Variants in NAA25 observed in about 807,000 individuals in gnomAD.
The protein encoded by NAA25 is N-alpha-acetyltransferase 25, NatB auxiliary subunit.
In NAA25, 30 loss-of-function variants were observed where a neutral mutation model predicts 132.5. That is an observed-to-expected ratio of 0.23 (90% CI 0.17 to 0.31). The LOEUF is 0.31. NAA25 is among the 10% of genes least tolerant of loss of function. NAA25 has a pLI of 1.00. For synonymous variants in NAA25, 359 were observed against 401.9 expected, an observed-to-expected ratio of 0.89 and a Z score of 1.28; for missense variants, 771 against 1,150.4, an observed-to-expected ratio of 0.67 and a Z score of 4.77.
intron 2 of NAA25, among the ~76,000 whole-genome samples, chr12:112,092,700 C>T (rs1268459554): frequency 6.9e-6 from 1 of 145,476 alleles, no homozygotes; most frequent in African/African-American, 2.5e-5. Context: ...TTTTTTGAGA[C>T]GGAGTCTCAC....
intron 10 of NAA25, 51 bp downstream of exon 10, chr12:112,071,836 ATATAGCAC>A: frequency 8.3e-7 from 1 of 1,198,004 alleles, no homozygotes; most frequent in Non-Finnish European, 1.1e-6. Context: ...CAACTAATGA[ATATAGCAC>A]TTGGGTATTA....
At chr12:112,094,851 G>A (rs1442636403) in intron 1 of NAA25, among the ~76,000 whole-genome samples, 6 of 151,938 alleles carry the variant, frequency 3.9e-5, no homozygotes, top group Non-Finnish European at 5.9e-5. Flanking sequence ...CTAGAGATGA[G>A]GTTTCACTAT....
chr12:112,053,609 C>T lies in NAA25; in HGVS notation c.1677G>A (p.Ala559=), dbSNP rs1229342787. 1.9e-6 allele frequency: 3 copies of T among 1,608,526 alleles called. No homozygotes were observed. Among genetic ancestry groups the T allele is most frequent in the Admixed American group, 1.7e-5 (1 of 59,416 alleles). Residue 559 remains alanine, a synonymous_variant, in exon 15 of 24, where the codon GCG becomes GCA. Transcript: ENST00000261745. ...TGAGTGCGAAGTTACAGGATTGGGA[C>T]GCAGCAGCATACTGACCTAGAGATT... ...YAESLGQYAA[A]SQSCNFALRF...
intron 11 of NAA25, among the ~76,000 whole-genome samples, chr12:112,061,907 T>C (rs1383473558): frequency 6.6e-6 from 1 of 152,194 alleles, no homozygotes; most frequent in Admixed American, 6.6e-5. Flanking sequence ...TACTCAGCTA[T>C]GAGAAATGAG....
intron 17 of NAA25, among the ~76,000 whole-genome samples, chr12:112,046,834 T>C (rs139601979): frequency 6.6e-6 from 1 of 152,220 alleles, no homozygotes; most frequent in Non-Finnish European, 1.5e-5. Flanking sequence ...TCTCTCTATA[T>C]ATGAAGGATA....
intron 2 of NAA25, among the ~76,000 whole-genome samples, chr12:112,092,725 T>C (rs1269335170): frequency 2.0e-5 from 3 of 149,232 alleles, no homozygotes; most frequent in African/African-American, 7.4e-5. Context: ...TCACCTGGGC[T>C]AGAGTGCAAT....
chr12:112,047,520 C>T lies in NAA25; in HGVS notation c.2006+145G>A, dbSNP rs190738549. 58 of 949,032 alleles carry T rather than the reference C, an allele frequency of 6.1e-5. No individual in the cohort carries two copies. In the Admixed American group the frequency reaches 1.6e-3, roughly 27 times the overall value. 58.8% of individuals were successfully genotyped at this position (949,032 alleles called of 1,614,324 possible). A position where few individuals can be genotyped will look rare whatever the true frequency, so the allele number is the denominator to read the frequency against. ...GTGCTGCAATTACAGGCCTGAGCCA[C>T]CGTGCCCAGCCCAACCTAATTCTTT... is the stretch of plus-strand genomic sequence containing the variant. On this transcript the variant is annotated intron_variant, in intron 17 of 23. Coordinates refer to ENST00000261745, the MANE Select transcript of NAA25 (RefSeq NM_024953.4).
In NAA25 at chr12:112,080,881, T is replaced by C. The variant is rs142074424; in HGVS notation, c.477+179A>G. On this transcript the variant is annotated intron_variant, in intron 5 of 23. Transcript: ENST00000261745. ...TACTTGGGAGGTTGAGGTAGAGGGA[T>C]TGCTTGAGCCTAGGAGGTCAAGGCA... 2.0e-3 allele frequency among the ~76,000 whole-genome samples: 302 copies of C among 152,122 alleles called. 2 individuals carry two copies. Among genetic ancestry groups the C allele is most frequent in the African/African-American group, 6.6e-3 (275 of 41,504 alleles).
chr12:112,090,668 C>A, intron 3 of NAA25, 58 bp downstream of exon 3: 1 of 1,577,960 alleles, frequency 6.3e-7, no homozygotes, highest in Non-Finnish European at 8.6e-7. Context: ...GGCAAACAGT[C>A]AGAAATATCC....
rs775818904 is a variant in NAA25, at chr12:112,087,737, G to A, written c.348C>T (p.His116=). ...TGGCATAGGCCATGAAGAGGTGAGAGTGATACTCCTCACTATTGGGAACTT... is the reference window on the plus strand; with the variant it reads ...TGGCATAGGCCATGAAGAGGTGAGAATGATACTCCTCACTATTGGGAACTT... ...VKKVPNSEEY[H]SHLFMAYARV... Residue 116 remains histidine (H), a synonymous_variant, in exon 4 of 24, where the codon CAC becomes CAT. Coordinates refer to ENST00000261745, the MANE Select transcript of NAA25 (RefSeq NM_024953.4). The A allele has an allele frequency of 1.9e-6, 3 of 1,614,186 alleles. No individual in the cohort carries two copies. Among genetic ancestry groups the A allele is most frequent in the South Asian group, 1.1e-5 (1 of 91,084 alleles).
chr12:112,052,646 A>G (rs1377025485), intron 15 of NAA25, among the ~76,000 whole-genome samples: 2 of 152,232 alleles, frequency 1.3e-5, no homozygotes, highest in African/African-American at 4.8e-5. Flanking sequence ...AAAGAATTAG[A>G]TGGAAGATAG....
At chr12:112,042,892 G>T (rs534403368) in intron 19 of NAA25, among the ~76,000 whole-genome samples, 196 bp downstream of exon 19, 1 of 152,340 alleles carries the variant, frequency 6.6e-6, no homozygotes, top group Non-Finnish European at 1.5e-5. Flanking sequence ...TTTTAAATAT[G>T]GAATGGACTT....
intron 1 of NAA25, among the ~76,000 whole-genome samples, chr12:112,094,967 C>A (rs1422872840): frequency 1.3e-5 from 2 of 152,044 alleles, no homozygotes; most frequent in Non-Finnish European, 2.9e-5. Flanking sequence ...CCATGCCCAG[C>A]TGATACATTT....
chr12:112,105,300 C>A (rs773911818), intron 1 of NAA25, among the ~76,000 whole-genome samples: 3 of 152,060 alleles, frequency 2.0e-5, no homozygotes, highest in Admixed American at 6.6e-5. Flanking sequence ...AGAGCCAGAT[C>A]CTGTCTCAAA....
intron 12 of NAA25, 117 bp from the exon 13 acceptor site, chr12:112,060,476 T>G: frequency 1.5e-6 from 1 of 647,990 alleles, no homozygotes. Context: ...AAAAGAAAAT[T>G]AAGAATAAGA....
At chr12:112,086,723 T>C (rs1385562064) in intron 4 of NAA25, among the ~76,000 whole-genome samples, 1 of 152,044 alleles carries the variant, frequency 6.6e-6, no homozygotes, top group East Asian at 1.9e-4. Context: ...AAAAAAGTAC[T>C]AGCTTGGGCT....
intron 22 of NAA25, chr12:112,037,536 C>T (rs1349857590): frequency 2.0e-5 from 3 of 147,382 alleles, no homozygotes; most frequent in African/African-American, 7.5e-5. Flanking sequence ...TAGACTCAAG[C>T]ATTATCCTAT....
At position 112,028,643 on chromosome 12, in the gene NAA25, T is replaced by TAC. The variant is rs1250889706; in HGVS notation, c.*887_*888insGT. 2 of 152,082 alleles carry TAC rather than the reference T, an allele frequency of 1.3e-5. No individual in the cohort carries two copies. Among genetic ancestry groups the TAC allele is most frequent in the African/African-American group, 4.8e-5 (2 of 41,412 alleles). The allele number at this position is 152,082 out of a possible 1,614,324, so 9.4% of individuals were successfully genotyped here. ...TCATATATATATGTGTATATATATA[T>TAC]ATGTATATATATGACTCACAAAACC... is the stretch of plus-strand genomic sequence containing the variant. On this transcript the variant is annotated 3_prime_UTR_variant, in exon 24 of 24. Coordinates refer to ENST00000261745, the MANE Select transcript of NAA25 (RefSeq NM_024953.4).
chr12:112,067,936 C>T (rs1366489322), intron 11 of NAA25, among the ~76,000 whole-genome samples: 2 of 152,102 alleles, frequency 1.3e-5, no homozygotes, highest in East Asian at 1.9e-4. Flanking sequence ...AAGGTTTCAC[C>T]ATTATTGGCC....
Sources: allele counts gnomAD v4.1 joint callset (sites outside exome capture counted in the v4.1 genomes callset), GRCh38; gene constraint gnomAD v4.1.1; transcripts MANE v1.5; gene names NCBI Gene and HGNC (gene_info 2026-07-23, HGNC 2026-07-21).